Variants in SMPDL3B observed in about 807,000 individuals in gnomAD.
SMPDL3B encodes the protein sphingomyelin phosphodiesterase acid like 3B.
Under a neutral mutation model 37.9 loss-of-function variants are expected in SMPDL3B, and 31 were observed. The ratio of observed to expected loss-of-function variants is 0.82; its 90% CI spans 0.61 to 1.10. SMPDL3B has a LOEUF of 1.10. Among genes scored for constraint, SMPDL3B ranks in the 50% least tolerant of loss-of-function variants. The pLI is 0.00. For synonymous variants in SMPDL3B, 235 were observed against 242.6 expected, an observed-to-expected ratio of 0.97 and a Z score of 0.29; for missense variants, 525 against 597.8, an observed-to-expected ratio of 0.88 and a Z score of 1.27.
intron 7 of SMPDL3B, chr1:27,956,441 C>A: frequency 7.9e-7 from 1 of 1,272,728 alleles, no homozygotes; most frequent in Non-Finnish European, 1.0e-6. Flanking sequence ...AGTGGCTCCC[C>A]AGTGCCTTCA....
Position 27,952,167 on chromosome 1 carries a change from A to ATT in SMPDL3B, c.374-1037_374-1036dup, listed in dbSNP as rs71027256. Reference sequence around the variant, plus strand: ...AGTGAGTCCCTCCCTTCTCATAGGGATTTTTTTTTTTTCTTAAATGGATTC... The same window carrying ATT: ...AGTGAGTCCCTCCCTTCTCATAGGGATTTTTTTTTTTTTTCTTAAATGGATTC... On this transcript the variant is annotated intron_variant, in intron 3 of 7. Coordinates refer to ENST00000373894, the MANE Select transcript of SMPDL3B (RefSeq NM_014474.4). 6.6e-3 allele frequency among the ~76,000 whole-genome samples: 983 copies of ATT among 148,318 alleles called. 6 individuals carry two copies. The highest frequency in any genetic ancestry group is 0.021 in the African/African-American group (866 of 40,440).
intron 1 of SMPDL3B, among the ~76,000 whole-genome samples, chr1:27,944,161 C>A (rs1320894328): frequency 6.6e-6 from 1 of 152,034 alleles, no homozygotes; most frequent in Non-Finnish European, 1.5e-5. Flanking sequence ...TGGTCGGAAA[C>A]TGAGTCTAGG....
At chr1:27,946,108 C>T (rs1177488945) in intron 2 of SMPDL3B, among the ~76,000 whole-genome samples, 3 of 152,108 alleles carry the variant, frequency 2.0e-5, no homozygotes, top group Non-Finnish European at 4.4e-5. Flanking sequence ...AATTCCAGCA[C>T]TTTGGGAGGC....
chr1:27,943,414 G>T (rs2090376408), intron 1 of SMPDL3B, among the ~76,000 whole-genome samples: 1 of 152,146 alleles, frequency 6.6e-6, no homozygotes, highest in African/African-American at 2.4e-5. Flanking sequence ...AAGGAGTGAG[G>T]GTCAGGGGCC....
At chr1:27,952,545 A>C in intron 3 of SMPDL3B, among the ~76,000 whole-genome samples, 1 of 152,224 alleles carries the variant, frequency 6.6e-6, no homozygotes, top group East Asian at 1.9e-4. Flanking sequence ...GGAGGAAATG[A>C]GTCTAATGGG....
At chr1:27,952,351 A>G (rs1391267157) in intron 3 of SMPDL3B, among the ~76,000 whole-genome samples, 1 of 152,172 alleles carries the variant, frequency 6.6e-6, no homozygotes, top group Non-Finnish European at 1.5e-5. Context: ...CCCAACTGGA[A>G]TGGGAGGCTC....
rs570483083 is a variant in SMPDL3B at position 27,936,058 on chromosome 1, T to C, written c.61+814T>C. 3.9e-5 allele frequency among the ~76,000 whole-genome samples: 6 copies of C among 152,280 alleles called. No individual in the cohort carries two copies. The East Asian group carries it at 9.7e-4, about 25-fold the overall frequency. ...TCAGACATTTTTCTTTCCACGTGCC[T>C]GTAGATAGGAAGGACGCAGGCTTTT... is the stretch of plus-strand genomic sequence containing the variant. On this transcript the variant is annotated intron_variant, in intron 1 of 7. Transcript: ENST00000373894.
chr1:27,955,660 C>T (rs772116029), intron 5 of SMPDL3B, 24 bp from the exon 6 acceptor site: 7 of 1,602,422 alleles, frequency 4.4e-6, no homozygotes, highest in Non-Finnish European at 5.1e-6. Context: ...CTGTGAGCCT[C>T]TTCTGGGAAC....
intron 2 of SMPDL3B, among the ~76,000 whole-genome samples, chr1:27,946,737 G>A (rs2090411374): frequency 6.6e-6 from 1 of 152,228 alleles, no homozygotes; most frequent in Non-Finnish European, 1.5e-5. Flanking sequence ...CTATAAGGCA[G>A]GGTGAAACCC....
Position 27,955,862 on chromosome 1 carries a change from C to A in SMPDL3B, c.869C>A (p.Ala290Glu). ...AGCTTTCGGATGCTCTATGATGATG[C>A]AGGTATTCAACCTGGAGGGCAACTG... The part of the protein sequence containing the change: ...TDSFRMLYDD[A>E]GVPISAMFIT... Residue 290 changes from alanine (A) to glutamate (E), a missense_variant and splice_region_variant, in exon 6 of 8, where the codon GCA (alanine) becomes GAA (glutamate). Transcript: ENST00000373894. The A allele has an allele frequency of 1.9e-6, 3 of 1,612,964 alleles. No individual in the cohort carries two copies. Among genetic ancestry groups the A allele is most frequent in the Non-Finnish European group, 2.5e-6 (3 of 1,179,026 alleles).
At chr1:27,948,526 C>T (rs1466608611) in intron 2 of SMPDL3B, among the ~76,000 whole-genome samples, 1 of 152,038 alleles carries the variant, frequency 6.6e-6, no homozygotes, top group African/African-American at 2.4e-5. Context: ...GCACAGTGGT[C>T]CCAGGGCAGA....
intron 1 of SMPDL3B, among the ~76,000 whole-genome samples, chr1:27,942,891 G>T (rs2090372710): frequency 6.6e-6 from 1 of 151,788 alleles, no homozygotes; most frequent in South Asian, 2.1e-4. Context: ...TGAACTCCTG[G>T]CCTCAAGCAA....
chr1:27,944,029 A>G (rs951837120), intron 1 of SMPDL3B, among the ~76,000 whole-genome samples: 41 of 151,650 alleles, frequency 2.7e-4, no homozygotes, highest in Non-Finnish European at 4.3e-4. Context: ...AAAAAAAAAA[A>G]AAAGAAACTA....
chr1:27,955,854 T>C lies in SMPDL3B; in HGVS notation c.861T>C (p.Tyr287=), dbSNP rs767587874. ...ACACCGACAGCTTTCGGATGCTCTATGATGATGCAGGTATTCAACCTGGAG... is the reference window on the plus strand; with the variant it reads ...ACACCGACAGCTTTCGGATGCTCTACGATGATGCAGGTATTCAACCTGGAG... ...HHHTDSFRML[Y]DDAGVPISAM... Residue 287 remains tyrosine, a synonymous_variant, in exon 6 of 8, where the codon TAT becomes TAC. Coordinates refer to ENST00000373894, the MANE Select transcript of SMPDL3B (RefSeq NM_014474.4). The C allele has an allele frequency of 3.7e-6, 6 of 1,613,628 alleles. No homozygotes were observed. The highest frequency in any genetic ancestry group is 1.3e-5 in the African/African-American group (1 of 75,014).
intron 5 of SMPDL3B, among the ~76,000 whole-genome samples, chr1:27,955,315 C>T (rs1257009419): frequency 6.6e-6 from 1 of 152,178 alleles, no homozygotes; most frequent in Non-Finnish European, 1.5e-5. Flanking sequence ...TGCACATTAC[C>T]GTGTAGCATA....
intron 1 of SMPDL3B, among the ~76,000 whole-genome samples, chr1:27,944,012 C>CAAAAA (rs5773206): frequency 2.2e-5 from 2 of 92,322 alleles, no homozygotes; most frequent in East Asian, 3.4e-4. Context: ...AACTCTGTCT[C>CAAAAA]AAAAAAAAAA....
chr1:27,958,893 C>G lies in SMPDL3B; in HGVS notation c.*55C>G. 1 of 1,482,148 alleles carries G rather than the reference C, an allele frequency of 6.7e-7. No homozygotes were observed. Among genetic ancestry groups the G allele is most frequent in the East Asian group, 2.5e-5 (1 of 40,728 alleles). 91.8% of individuals were successfully genotyped at this position (1,482,148 alleles called of 1,614,324 possible). Reference sequence around the variant, plus strand: ...GGGTAACGGGGGCAGCGCCCAGGATCACCCAGAGCTGGGCCTTCCACCATT... The same window carrying G: ...GGGTAACGGGGGCAGCGCCCAGGATGACCCAGAGCTGGGCCTTCCACCATT... On this transcript the variant is annotated 3_prime_UTR_variant, in exon 8 of 8. Coordinates refer to ENST00000373894, the MANE Select transcript of SMPDL3B (RefSeq NM_014474.4). This position sits in a 1 kb window ranked among gnomAD's most constrained non-coding sequence, Gnocchi z 5.6.
intron 1 of SMPDL3B, among the ~76,000 whole-genome samples, chr1:27,936,051 A>G (rs1053642027): frequency 2.0e-5 from 3 of 152,174 alleles, no homozygotes; most frequent in Admixed American, 6.5e-5. Context: ...TTTTCTTTCC[A>G]CGTGCCTGTA....
rs1290947839 is a variant in SMPDL3B at position 27,935,285 on chromosome 1, T to C, written c.61+41T>C. ...TGTCTGCTATGCCTTTGTTTTGTAC[T>C]GTGAACTCTGGGGCTGCGGGAAGCT... is the stretch of plus-strand genomic sequence containing the variant. On this transcript the variant is annotated intron_variant, in intron 1 of 7. Coordinates refer to ENST00000373894, the MANE Select transcript of SMPDL3B (RefSeq NM_014474.4). 9 of 1,477,754 alleles carry C rather than the reference T, an allele frequency of 6.1e-6. No homozygotes were observed. The Admixed American group carries it at 1.4e-4, about 23-fold the overall frequency. The allele number at this position is 1,477,754 out of a possible 1,614,324, so 91.5% of individuals were successfully genotyped here.
Sources: allele counts gnomAD v4.1 joint callset (sites outside exome capture counted in the v4.1 genomes callset), GRCh38; gene constraint gnomAD v4.1.1; non-coding constraint Gnocchi (gnomAD v3.1); transcripts MANE v1.5; gene names NCBI Gene and HGNC (gene_info 2026-07-23, HGNC 2026-07-21).